Variants in ADAMTS17 observed in about 807,000 individuals in gnomAD.
ADAMTS17 encodes the protein ADAM metallopeptidase with thrombospondin type 1 motif 17.
Under a neutral mutation model 141.5 loss-of-function variants are expected in ADAMTS17, and 113 were observed. That is an observed-to-expected ratio of 0.80 (90% CI 0.69 to 0.93). The LOEUF is 0.93. ADAMTS17 is among the 40% of genes least tolerant of loss of function. The pLI is 0.00. For missense variants in ADAMTS17, 1,659 were observed against 1,517.9 expected (o/e 1.09, Z -1.54); for synonymous variants, 768 against 630.6 (o/e 1.22, Z -3.27).
intron 14 of ADAMTS17, among the ~76,000 whole-genome samples, chr15:100,097,340 T>C (rs751422150): frequency 5.3e-5 from 8 of 152,162 alleles, no homozygotes; most frequent in Non-Finnish European, 7.3e-5. Flanking sequence ...GCACCCCAGA[T>C]TACATATTGG....
chr15:100,243,925 C>T (rs1010433123), intron 7 of ADAMTS17, among the ~76,000 whole-genome samples: 4 of 152,040 alleles, frequency 2.6e-5, no homozygotes, highest in African/African-American at 4.8e-5. Context: ...CCCCATTTTC[C>T]AGATGAGAAA....
At chr15:100,142,222 G>C (rs542357665) in intron 10 of ADAMTS17, among the ~76,000 whole-genome samples, 1 of 152,310 alleles carries the variant, frequency 6.6e-6, no homozygotes, top group Non-Finnish European at 1.5e-5. Flanking sequence ...GTTGTCCCAA[G>C]GTAGAATTTT....
At chr15:100,165,570 C>T (rs956906599) in intron 8 of ADAMTS17, among the ~76,000 whole-genome samples, 2 of 152,162 alleles carry the variant, frequency 1.3e-5, no homozygotes, top group Non-Finnish European at 2.9e-5. Flanking sequence ...AGGCAAACGG[C>T]CTTATGACTT....
At chr15:100,300,720 C>T (rs1245462175) in intron 3 of ADAMTS17, among the ~76,000 whole-genome samples, 1 of 152,172 alleles carries the variant, frequency 6.6e-6, no homozygotes, top group Non-Finnish European at 1.5e-5. Context: ...AGGAGGGCAC[C>T]ACATCATCAC....
chr15:100,053,162 G>A (rs1479995310), intron 16 of ADAMTS17, among the ~76,000 whole-genome samples: 1 of 152,174 alleles, frequency 6.6e-6, no homozygotes, highest in Admixed American at 6.5e-5. Context: ...ACCCGGAATC[G>A]ATAATGATGA....
At chr15:100,321,579 G>A (rs139090918) in intron 3 of ADAMTS17, among the ~76,000 whole-genome samples, 1,651 of 152,246 alleles carry the variant, frequency 0.011, 23 homozygotes, top group Non-Finnish European at 0.013. Context: ...AAAACATCTG[G>A]AAGGACAAAA....
rs1276055387 is a variant in ADAMTS17 at position 100,073,695 on chromosome 15, T to A, written c.2138-19641A>T. 1.3e-4 allele frequency among the ~76,000 whole-genome samples: 18 copies of A among 135,366 alleles called. No homozygotes were observed. The Admixed American group carries it at 1.4e-3, about 11-fold the overall frequency. 88.8% of individuals were successfully genotyped at this position (135,366 alleles called of 152,430 possible). A position where few individuals can be genotyped will look rare whatever the true frequency, so the allele number is the denominator to read the frequency against. On this transcript the variant is annotated intron_variant, in intron 15 of 21. Coordinates refer to ENST00000268070, the MANE Select transcript of ADAMTS17 (RefSeq NM_139057.4). ...ACCAAACACCGCATGTTCTCACTCA[T>A]AGGTGGGAATTGAACAATGAGAACA...
chr15:100,284,907 G>A (rs1318247643), intron 3 of ADAMTS17, among the ~76,000 whole-genome samples: 1 of 152,184 alleles, frequency 6.6e-6, no homozygotes, highest in Admixed American at 6.5e-5. Context: ...GTGGCCAGCC[G>A]GGGAGTGCTC....
chr15:100,078,394 C>T (rs542651234), intron 15 of ADAMTS17, among the ~76,000 whole-genome samples: 11 of 151,938 alleles, frequency 7.2e-5, no homozygotes, highest in African/African-American at 1.9e-4. Context: ...TAAGGACAGT[C>T]GTTTCTAACA....
At chr15:100,209,131 A>AAAGG (rs1555483239) in intron 7 of ADAMTS17, among the ~76,000 whole-genome samples, 28,292 of 130,746 alleles carry the variant, frequency 0.22, 3,807 homozygotes, top group South Asian at 0.38. Context: ...AAAAAAAAAA[A>AAAGG]AAGGAAGAAA....
chr15:99,977,082 T>A (rs1012817522), intron 20 of ADAMTS17, among the ~76,000 whole-genome samples: 2 of 151,820 alleles, frequency 1.3e-5, no homozygotes, highest in Non-Finnish European at 2.9e-5. Context: ...ATGACTGGGG[T>A]TGAATTTCCC....
intron 20 of ADAMTS17, among the ~76,000 whole-genome samples, chr15:99,989,350 C>T (rs368558392): frequency 8.5e-5 from 13 of 152,240 alleles, no homozygotes; most frequent in Admixed American, 2.6e-4. Flanking sequence ...ACTCCTGCCC[C>T]GGACCCCTGT....
intron 8 of ADAMTS17, among the ~76,000 whole-genome samples, chr15:100,169,711 G>C (rs2040086721): frequency 6.6e-6 from 1 of 152,208 alleles, no homozygotes. Flanking sequence ...GGAGCCCTCA[G>C]GTACTGTGAA....
At chr15:100,280,559 C>A (rs1357327893) in intron 4 of ADAMTS17, among the ~76,000 whole-genome samples, 2 of 152,148 alleles carry the variant, frequency 1.3e-5, no homozygotes, top group African/African-American at 4.8e-5. Flanking sequence ...CCTCAAGATG[C>A]CTGGCCCGCC....
intron 7 of ADAMTS17, among the ~76,000 whole-genome samples, chr15:100,203,260 G>T (rs988550831): frequency 1.3e-5 from 2 of 152,162 alleles, no homozygotes; most frequent in African/African-American, 4.8e-5. Flanking sequence ...GAAAAAATCT[G>T]AAACACAGAG....
intron 7 of ADAMTS17, among the ~76,000 whole-genome samples, chr15:100,225,230 G>C (rs755791007): frequency 6.6e-6 from 1 of 152,236 alleles, no homozygotes; most frequent in African/African-American, 2.4e-5. Context: ...AGGGCTAAAA[G>C]ATCCTTTTTA....
At position 99,972,264 on chromosome 15, in the gene ADAMTS17, GACA is replaced by G. The variant is rs995770812; in HGVS notation, c.*2135_*2137del. 2 of 152,076 alleles carry G rather than the reference GACA, an allele frequency of 1.3e-5. No homozygotes were observed. The highest frequency in any genetic ancestry group is 2.4e-5 in the African/African-American group (1 of 41,396). 9.4% of individuals were successfully genotyped at this position (152,076 alleles called of 1,614,324 possible). On this transcript the variant is annotated 3_prime_UTR_variant, in exon 22 of 22. Transcript: ENST00000268070. ...AGACTCTGTCTCAAAAAACAACACC[GACA>G]ACAAAAAGATGAGCTAAAAGAGCTC...
At chr15:100,097,462 C>T (rs985179616) in intron 14 of ADAMTS17, among the ~76,000 whole-genome samples, 2 of 152,192 alleles carry the variant, frequency 1.3e-5, no homozygotes, top group African/African-American at 4.8e-5. Flanking sequence ...AGAAGCAGCA[C>T]CGTGCTTCCC....
intron 13 of ADAMTS17, among the ~76,000 whole-genome samples, chr15:100,110,188 T>C (rs1225307595): frequency 1.4e-5 from 2 of 146,792 alleles, no homozygotes; most frequent in South Asian, 2.1e-4. Context: ...TATATTTATA[T>C]ACTGATATAT....
Sources: allele counts gnomAD v4.1 joint callset (sites outside exome capture counted in the v4.1 genomes callset), GRCh38; gene constraint gnomAD v4.1.1; transcripts MANE v1.5; gene names NCBI Gene and HGNC (gene_info 2026-07-23, HGNC 2026-07-21).